BORCS5: variants seen among roughly 807,000 people sequenced by gnomAD.
The protein encoded by BORCS5 is BLOC-1 related complex subunit 5, also known as BLOC-1-related complex subunit 5.
BORCS5 carries 17 observed loss-of-function variants against 22.1 expected under a neutral mutation model. The ratio of observed to expected loss-of-function variants is 0.77; its 90% CI spans 0.53 to 1.15. BORCS5 has a LOEUF of 1.15. Ranked by LOEUF, BORCS5 falls within the 50% of genes most tolerant of loss-of-function variation. The pLI is 0.00. For missense variants in BORCS5, 247 were observed against 253.2 expected, an observed-to-expected ratio of 0.98 and a Z score of 0.17; for synonymous variants, 117 against 99.8, an observed-to-expected ratio of 1.17 and a Z score of -1.03.
At position 12,394,697 on chromosome 12, in the gene BORCS5, GA is replaced by G. The variant is rs1232841538; in HGVS notation, c.202+33352del. ...CTCCTGAGGATTACAATCTAGTATAGAAAACAAACCTCATGGTTGACTTAAA... is the reference window on the plus strand; with the variant it reads ...CTCCTGAGGATTACAATCTAGTATAGAAACAAACCTCATGGTTGACTTAAA... On this transcript the variant is annotated intron_variant, in intron 2 of 3. Transcript: ENST00000314565. Among the ~76,000 whole-genome samples the G allele has an allele frequency of 2.0e-5, 3 of 152,040 alleles. No individual in the cohort carries two copies. In the East Asian group the frequency reaches 5.8e-4, roughly 29 times the overall value.
chr12:12,357,182 C>T lies in BORCS5; in HGVS notation c.-270C>T. 6.6e-7 allele frequency: 1 copy of T among 1,517,866 alleles called. No homozygotes were observed. Among genetic ancestry groups the T allele is most frequent in the Non-Finnish European group, 8.8e-7 (1 of 1,139,250 alleles). 94.0% of individuals were successfully genotyped at this position (1,517,866 alleles called of 1,614,324 possible). A position where few individuals can be genotyped will look rare whatever the true frequency, so the allele number is the denominator to read the frequency against. ...GCAAAGCCAGTGTCATCTGCCGGTT[C>T]TCTTAGGGCTCCCGGAAAGAAGGAG... On this transcript the variant is annotated 5_prime_UTR_variant, in exon 1 of 4. Coordinates refer to ENST00000314565, the MANE Select transcript of BORCS5 (RefSeq NM_058169.6).
chr12:12,370,630 G>C (rs2080519), intron 2 of BORCS5, among the ~76,000 whole-genome samples: 3 of 151,986 alleles, frequency 2.0e-5, no homozygotes, highest in African/African-American at 7.3e-5. Flanking sequence ...ATCAGTGCGG[G>C]AACAGTCAGC....
chr12:12,415,034 G>A (rs1365115275), intron 2 of BORCS5, among the ~76,000 whole-genome samples: 2 of 130,428 alleles, frequency 1.5e-5, no homozygotes, highest in Non-Finnish European at 3.4e-5. Context: ...ATGGGATGGC[G>A]GCCGGGCGGA....
rs539485825 is a variant in BORCS5, at chr12:12,366,869, G to A, written c.202+5520G>A. On this transcript the variant is annotated intron_variant, in intron 2 of 3. Transcript: ENST00000314565. Reference sequence around the variant, plus strand: ...CATGCATGTGACATTCTTTCCAACCGATCTGTCATTTTTGTTACTGACCTT... The same window carrying A: ...CATGCATGTGACATTCTTTCCAACCAATCTGTCATTTTTGTTACTGACCTT... 3.3e-5 allele frequency among the ~76,000 whole-genome samples: 5 copies of A among 152,220 alleles called. 1 individual carries two copies. Among genetic ancestry groups the A allele is most frequent in the African/African-American group, 1.2e-4 (5 of 41,534 alleles).
chr12:12,459,962 C>G (rs1157638252), intron 3 of BORCS5, among the ~76,000 whole-genome samples: 1 of 152,192 alleles, frequency 6.6e-6, no homozygotes, highest in Non-Finnish European at 1.5e-5. Flanking sequence ...GTCCTGAAAT[C>G]AAGTACTGTA....
At chr12:12,381,557 C>T (rs1472711566) in intron 2 of BORCS5, among the ~76,000 whole-genome samples, 1 of 151,358 alleles carries the variant, frequency 6.6e-6, no homozygotes, top group Admixed American at 6.6e-5. Flanking sequence ...TGATCTGTCC[C>T]ATTTTTAATT....
chr12:12,364,174 G>A (rs1206791802), intron 2 of BORCS5, among the ~76,000 whole-genome samples: 1 of 151,950 alleles, frequency 6.6e-6, no homozygotes, highest in Admixed American at 6.6e-5. Context: ...TCAGGAATTC[G>A]AGATCAGCCT....
chr12:12,403,185 C>A (rs1941516018), intron 2 of BORCS5, among the ~76,000 whole-genome samples: 2 of 152,106 alleles, frequency 1.3e-5, no homozygotes, highest in South Asian at 4.1e-4. Context: ...AGATGAAAGA[C>A]CTTTCCTGTC....
intron 2 of BORCS5, among the ~76,000 whole-genome samples, chr12:12,381,403 CTTTG>C (rs1051571740): frequency 1.3e-5 from 2 of 151,242 alleles, no homozygotes; most frequent in African/African-American, 2.4e-5. Flanking sequence ...GTTCATTTTG[CTTTG>C]TTTGTTTGCT....
chr12:12,446,213 G>A (rs1485288222), intron 3 of BORCS5, among the ~76,000 whole-genome samples: 4 of 135,870 alleles, frequency 2.9e-5, no homozygotes, highest in South Asian at 2.2e-4. Flanking sequence ...CAATAAACAC[G>A]GTAAAAAAAT....
intron 2 of BORCS5, among the ~76,000 whole-genome samples, chr12:12,396,145 G>A (rs187984135): frequency 6.6e-6 from 1 of 152,010 alleles, no homozygotes; most frequent in Admixed American, 6.6e-5. Flanking sequence ...ACATTACCAC[G>A]CCCAGCTAAT....
chr12:12,445,570 C>CTCCATCT (rs1233926442), intron 3 of BORCS5, among the ~76,000 whole-genome samples: 1 of 115,910 alleles, frequency 8.6e-6, no homozygotes, highest in Non-Finnish European at 1.6e-5. Flanking sequence ...GATGGGTAGG[C>CTCCATCT]TCCATCTTCA....
chr12:12,431,893 C>T (rs1304872317), intron 2 of BORCS5, among the ~76,000 whole-genome samples: 2 of 151,672 alleles, frequency 1.3e-5, no homozygotes, highest in Non-Finnish European at 2.9e-5. Context: ...GGGGTTTCAC[C>T]GTGTTAGCCA....
intron 3 of BORCS5, among the ~76,000 whole-genome samples, chr12:12,457,542 G>A (rs565646438): frequency 1.3e-5 from 2 of 152,250 alleles, no homozygotes; most frequent in South Asian, 2.1e-4. Context: ...GGTGGTGGGC[G>A]CCTGTAGTCC....
At chr12:12,438,385 A>ATACAAC (rs1257519800) in intron 3 of BORCS5, among the ~76,000 whole-genome samples, 10,476 of 125,708 alleles carry the variant, frequency 0.083, 1,096 homozygotes, top group African/African-American at 0.23. Flanking sequence ...AAAAAACGAA[A>ATACAAC]AACAACAACA....
intron 2 of BORCS5, among the ~76,000 whole-genome samples, chr12:12,426,053 G>A (rs2136111732): frequency 6.6e-6 from 1 of 152,292 alleles, no homozygotes; most frequent in Non-Finnish European, 1.5e-5. Flanking sequence ...ATTAAGGGAA[G>A]TTAAATTTAG....
At chr12:12,439,726 C>T (rs1473035789) in intron 3 of BORCS5, among the ~76,000 whole-genome samples, 1 of 152,226 alleles carries the variant, frequency 6.6e-6, no homozygotes, top group Non-Finnish European at 1.5e-5. Flanking sequence ...CCAGCACTCA[C>T]AGTACTGAGC....
intron 3 of BORCS5, among the ~76,000 whole-genome samples, chr12:12,464,616 G>T (rs1305413837): frequency 6.6e-6 from 1 of 152,138 alleles, no homozygotes; most frequent in Non-Finnish European, 1.5e-5. Flanking sequence ...AGGGGTGAGG[G>T]GGTGGAAGTG....
intron 3 of BORCS5, among the ~76,000 whole-genome samples, chr12:12,454,747 AACAT>A (rs1399742156): frequency 6.6e-6 from 1 of 152,220 alleles, no homozygotes; most frequent in Non-Finnish European, 1.5e-5. Flanking sequence ...GAATAATATA[AACAT>A]ACATGTTTAT....
Sources: gnomAD v4.1 joint callset for allele counts (sites outside exome capture counted in the v4.1 genomes callset) on GRCh38, gnomAD v4.1.1 for gene constraint, MANE v1.5 for transcripts, NCBI Gene and HGNC (gene_info 2026-07-23, HGNC 2026-07-21) for gene names.